FHAD1: variants seen among roughly 807,000 people sequenced by gnomAD.
The protein encoded by FHAD1 is forkhead-associated domain-containing protein 1.
Under a neutral mutation model 191.3 loss-of-function variants are expected in FHAD1, and 146 were observed. The ratio of observed to expected loss-of-function variants is 0.76; its 90% CI spans 0.67 to 0.88. FHAD1 has a LOEUF of 0.88. FHAD1 is among the 40% of genes least tolerant of loss of function. FHAD1 has a pLI of 0.00. For synonymous variants in FHAD1, 616 were observed against 672.3 expected, an observed-to-expected ratio of 0.92 and a Z score of 1.29; for missense variants, 1,635 against 1,785.8, an observed-to-expected ratio of 0.92 and a Z score of 1.52.
chr1:15,380,202 T>C (rs1197859260), intron 28 of FHAD1, among the ~76,000 whole-genome samples: 1 of 152,208 alleles, frequency 6.6e-6, no homozygotes, highest in Non-Finnish European at 1.5e-5. Flanking sequence ...CCTGCTTCTA[T>C]GGCACTCTCC....
In FHAD1 at chr1:15,374,487, C is replaced by G; in HGVS notation, c.3448-15C>G. The G allele has an allele frequency of 1.3e-6, 2 of 1,551,624 alleles. No homozygotes were observed. The highest frequency in any genetic ancestry group is 1.7e-6 in the Non-Finnish European group (2 of 1,146,912). On this transcript the variant is annotated splice_polypyrimidine_tract_variant and intron_variant, in intron 26 of 33. Coordinates refer to ENST00000688493, the MANE Select transcript of FHAD1 (RefSeq NM_001391957.1). ...AATCCCTGATCAAATGCTGCCCGCC[C>G]CATTCTGCCCACAGCAGCAATCCTT...
In FHAD1 at chr1:15,240,976, AG is replaced by A. The variant is rs367920631; in HGVS notation, c.-15+4216del. On this transcript the variant is annotated intron_variant, in intron 1 of 33. Transcript: ENST00000683790. ...TATCTCAAAAAAAAAAAAAAAAAAAAGAAAGAAAGAAAGAAAGCAGATGCAG... is the reference window on the plus strand; with the variant it reads ...TATCTCAAAAAAAAAAAAAAAAAAAAAAAGAAAGAAAGAAAGCAGATGCAG... Among the ~76,000 whole-genome samples, 133 of 147,890 alleles carry A rather than the reference AG, an allele frequency of 9.0e-4. 1 individual carries two copies. The highest frequency in any genetic ancestry group is 2.0e-3 in the African/African-American group (79 of 40,468).
chr1:15,349,196 C>T (rs1183619577), intron 19 of FHAD1, 47 bp downstream of exon 19: 1 of 1,392,634 alleles, frequency 7.2e-7, no homozygotes, highest in Admixed American at 2.0e-5. Context: ...ACTACAAAGC[C>T]AGATCCCTGG....
chr1:15,330,728 C>T (rs1041698300), intron 14 of FHAD1, among the ~76,000 whole-genome samples: 6 of 152,130 alleles, frequency 3.9e-5, no homozygotes, highest in African/African-American at 1.4e-4. Context: ...ATGGAGAGCA[C>T]AAGGGGCTAA....
rs1230398293 is a variant in FHAD1, at chr1:15,326,936, G to C, written c.1474-123G>C. 5 of 628,290 alleles carry C rather than the reference G, an allele frequency of 8.0e-6. No individual in the cohort carries two copies. The Admixed American group carries it at 1.4e-4, about 17-fold the overall frequency. 38.9% of individuals were successfully genotyped at this position (628,290 alleles called of 1,614,324 possible). ...GAGCGGTGAAGATTCTGATAACGCG[G>C]AATGGTCATTCAGGCGTGCAAACCC... On this transcript the variant is annotated intron_variant, in intron 11 of 33. Transcript: ENST00000688493.
At chr1:15,353,827 C>A (rs1691786303) in intron 20 of FHAD1, among the ~76,000 whole-genome samples, 2 of 150,736 alleles carry the variant, frequency 1.3e-5, no homozygotes, top group Non-Finnish European at 2.9e-5. Context: ...TCATAATTGT[C>A]ATCACCTTCA....
At chr1:15,360,765 G>A in intron 22 of FHAD1, 62 bp downstream of exon 22, 3 of 1,345,636 alleles carry the variant, frequency 2.2e-6, no homozygotes, top group East Asian at 2.5e-5. Flanking sequence ...TTGTCCGCTG[G>A]GTCCCAACAG....
intron 20 of FHAD1, among the ~76,000 whole-genome samples, chr1:15,353,812 T>G (rs1275008782): frequency 6.6e-6 from 1 of 151,828 alleles, no homozygotes; most frequent in Admixed American, 6.6e-5. Context: ...CAGCAGAGTT[T>G]GTCATCATAA....
At chr1:15,305,821 T>G (rs1670309178) in intron 6 of FHAD1, 1 of 429,582 alleles carries the variant, frequency 2.3e-6, no homozygotes, top group Non-Finnish European at 4.6e-6. Context: ...TGTGGAACTG[T>G]AAGTCCAATT....
At chr1:15,372,164 G>C (rs140457304) in intron 26 of FHAD1, among the ~76,000 whole-genome samples, 1 of 151,812 alleles carries the variant, frequency 6.6e-6, no homozygotes, top group Non-Finnish European at 1.5e-5. Flanking sequence ...GGTGGTCAGG[G>C]AGGCCTGTGC....
chr1:15,250,292 T>C (rs1752006), intron 1 of FHAD1, among the ~76,000 whole-genome samples: 44,186 of 152,030 alleles, frequency 0.29, 7,431 homozygotes, highest in Non-Finnish European at 0.39. Context: ...GTCAATATTT[T>C]AGAACTTTCT....
chr1:15,298,295 G>A (rs561377616), intron 5 of FHAD1, among the ~76,000 whole-genome samples: 10 of 152,288 alleles, frequency 6.6e-5, no homozygotes, highest in African/African-American at 1.7e-4. Flanking sequence ...ACCAAACATC[G>A]TATGTTCTCA....
chr1:15,316,175 T>C lies in FHAD1; in HGVS notation c.1171-203T>C, dbSNP rs531162731. ...TAGTGGCTTTATTCCTCTGATTTCC[T>C]GAGTGGAGAAGCAGGAACAGCTTTG... On this transcript the variant is annotated intron_variant, in intron 8 of 33. Transcript: ENST00000688493. The surrounding 1 kb of genome is among the most constrained non-coding windows in gnomAD (Gnocchi z 4.3). Among the ~76,000 whole-genome samples, 167 of 152,364 alleles carry C rather than the reference T, an allele frequency of 1.1e-3. No homozygotes were observed. The highest frequency in any genetic ancestry group is 3.9e-3 in the African/African-American group (161 of 41,596).
chr1:15,338,849 G>A (rs978728204), intron 14 of FHAD1, among the ~76,000 whole-genome samples: 2 of 151,936 alleles, frequency 1.3e-5, no homozygotes, highest in South Asian at 2.1e-4. Flanking sequence ...CTTGTCTTTC[G>A]GACTGAACTG....
At chr1:15,239,575 G>A (rs1482070311) in intron 1 of FHAD1, among the ~76,000 whole-genome samples, 1 of 152,112 alleles carries the variant, frequency 6.6e-6, no homozygotes, top group African/African-American at 2.4e-5. Flanking sequence ...GTGACAGAGC[G>A]AGACTCTGTC....
At chr1:15,340,008 T>C (rs1377058322) in intron 15 of FHAD1, among the ~76,000 whole-genome samples, 1 of 152,156 alleles carries the variant, frequency 6.6e-6, no homozygotes, top group African/African-American at 2.4e-5. Context: ...GTATTTTTAG[T>C]AGAGACAGGG....
chr1:15,353,576 G>A (rs768063629), intron 20 of FHAD1, among the ~76,000 whole-genome samples: 6 of 151,758 alleles, frequency 4.0e-5, no homozygotes, highest in African/African-American at 1.2e-4. Flanking sequence ...GTGGTGGCAC[G>A]CGCCTGTAAT....
At position 15,340,935 on chromosome 1, in the gene FHAD1, G is replaced by A. The variant is rs200259235; in HGVS notation, c.1978-801G>A. ...GGTGGCTCATGCCTGTAATCCCAGC[G>A]CTTTGGGAGGCTGAGGCGGGTGGAT... On this transcript the variant is annotated intron_variant, in intron 15 of 33. Coordinates refer to ENST00000688493, the MANE Select transcript of FHAD1 (RefSeq NM_001391957.1). Among the ~76,000 whole-genome samples the A allele has an allele frequency of 1.6e-4, 24 of 151,932 alleles. No individual in the cohort carries two copies. The South Asian group carries it at 4.2e-3, about 26-fold the overall frequency.
At position 15,352,826 on chromosome 1, in the gene FHAD1, T is replaced by C. The variant is rs2102490575; in HGVS notation, c.2455-51T>C. On this transcript the variant is annotated intron_variant, in intron 19 of 33. Transcript: ENST00000688493. The stretch of plus-strand genomic sequence containing the variant: ...CTCGTCCTGGTTTCCCTTTCCAGTG[T>C]CATTTCCCTTTGAGGGCACAGGCCC... The C allele has an allele frequency of 2.2e-6, 3 of 1,364,118 alleles. No homozygotes were observed. The East Asian group carries it at 7.5e-5, about 34-fold the overall frequency. The allele number at this position is 1,364,118 out of a possible 1,614,324, so 84.5% of individuals were successfully genotyped here.
Sources: allele counts gnomAD v4.1 joint callset (sites outside exome capture counted in the v4.1 genomes callset), GRCh38; gene constraint gnomAD v4.1.1; non-coding constraint Gnocchi (gnomAD v3.1); transcripts MANE v1.5; gene names NCBI Gene and HGNC (gene_info 2026-07-23, HGNC 2026-07-21).